Variants in HS3ST3A1 observed in about 807,000 individuals in gnomAD.
The protein encoded by HS3ST3A1 is heparan sulfate glucosamine 3-O-sulfotransferase 3A1.
Under a neutral mutation model 25.7 loss-of-function variants are expected in HS3ST3A1, and 19 were observed. That is an observed-to-expected ratio of 0.74 (90% CI 0.52 to 1.08). The LOEUF is 1.08. HS3ST3A1 is among the 50% of genes least tolerant of loss of function. HS3ST3A1 has a pLI of 0.00. For synonymous variants in HS3ST3A1, 226 were observed against 278.6 expected (o/e 0.81, Z 1.88); for missense variants, 459 against 594.3 (o/e 0.77, Z 2.37).
chr17:13,511,920 A>G (rs1383331593), intron 1 of HS3ST3A1, among the ~76,000 whole-genome samples: 1 of 152,202 alleles, frequency 6.6e-6, no homozygotes, highest in Non-Finnish European at 1.5e-5. Context: ...ACACGTGGAA[A>G]TAATTTTCAT....
At position 13,512,781 on chromosome 17, in the gene HS3ST3A1, G is replaced by A. The variant is rs112716613; in HGVS notation, c.600-15963C>T. Among the ~76,000 whole-genome samples the A allele has an allele frequency of 5.5e-3, 834 of 151,366 alleles. 6 individuals carry two copies. Among genetic ancestry groups the A allele is most frequent in the African/African-American group, 0.019 (798 of 41,454 alleles). On this transcript the variant is annotated intron_variant, in intron 1 of 1. Coordinates refer to ENST00000284110, the MANE Select transcript of HS3ST3A1 (RefSeq NM_006042.3). Reference sequence around the variant, plus strand: ...GGGATAAAAAAATAAATTGTACTGCGTAAGTATGTAGTAGTTCATGATCTG... The same window carrying A: ...GGGATAAAAAAATAAATTGTACTGCATAAGTATGTAGTAGTTCATGATCTG...
At chr17:13,565,712 C>T (rs181271370) in intron 1 of HS3ST3A1, among the ~76,000 whole-genome samples, 15 of 152,272 alleles carry the variant, frequency 9.9e-5, no homozygotes, top group Admixed American at 8.5e-4. Context: ...ACCATCTTCT[C>T]GGCTCACCCT....
Position 13,601,661 on chromosome 17 carries a change from T to G in HS3ST3A1, c.-532A>C. The stretch of plus-strand genomic sequence containing the variant: ...CCAGCCCCGGCTTTCTCTGGTCCCC[T>G]TGCCCGCCTGGGCGCGTTCTCTCCG... On this transcript the variant is annotated 5_prime_UTR_variant, in exon 1 of 2. Coordinates refer to ENST00000284110, the MANE Select transcript of HS3ST3A1 (RefSeq NM_006042.3). 1 of 153,158 alleles carries G rather than the reference T, an allele frequency of 6.5e-6. No individual in the cohort carries two copies. The highest frequency in any genetic ancestry group is 1.5e-5 in the Non-Finnish European group (1 of 68,698). The allele number at this position is 153,158 out of a possible 1,614,324, so 9.5% of individuals were successfully genotyped here. A position where few individuals can be genotyped will look rare whatever the true frequency, so the allele number is the denominator to read the frequency against.
chr17:13,531,396 G>A (rs1829194022), intron 1 of HS3ST3A1, among the ~76,000 whole-genome samples: 2 of 152,132 alleles, frequency 1.3e-5, no homozygotes, highest in Non-Finnish European at 2.9e-5. Context: ...TGGAGTTTGG[G>A]TGGGGTGCTG....
At chr17:13,536,337 G>A (rs551775765) in intron 1 of HS3ST3A1, among the ~76,000 whole-genome samples, 88 of 152,202 alleles carry the variant, frequency 5.8e-4, no homozygotes, top group African/African-American at 1.9e-3. Context: ...GAAAGTCAAG[G>A]GCTAATTTAT....
chr17:13,543,975 C>G (rs1182336552), intron 1 of HS3ST3A1, among the ~76,000 whole-genome samples: 1 of 152,136 alleles, frequency 6.6e-6, no homozygotes. Context: ...CTCTTCATCT[C>G]AGTTTCCAAA....
At chr17:13,590,071 C>T (rs1329797159) in intron 1 of HS3ST3A1, among the ~76,000 whole-genome samples, 1 of 152,138 alleles carries the variant, frequency 6.6e-6, no homozygotes, top group African/African-American at 2.4e-5. Flanking sequence ...CTACTCTGAA[C>T]ACTCGAGAGA....
intron 1 of HS3ST3A1, 101 bp from the exon 2 acceptor site, chr17:13,496,919 C>A: frequency 1.3e-6 from 2 of 1,482,104 alleles, no homozygotes; most frequent in Non-Finnish European, 1.8e-6. Context: ...TTCCAGCCCC[C>A]GCAACCCCCC....
intron 1 of HS3ST3A1, among the ~76,000 whole-genome samples, chr17:13,575,792 T>A (rs1321633300): frequency 6.6e-6 from 1 of 152,234 alleles, no homozygotes. Flanking sequence ...TTCCCATCAA[T>A]GCTGGGAAGC....
At chr17:13,546,922 A>G (rs1299363484) in intron 1 of HS3ST3A1, among the ~76,000 whole-genome samples, 3 of 152,036 alleles carry the variant, frequency 2.0e-5, no homozygotes, top group African/African-American at 7.3e-5. Context: ...AACTTTTCAG[A>G]CCTTCCGATG....
At chr17:13,531,009 C>G (rs186789102) in intron 1 of HS3ST3A1, among the ~76,000 whole-genome samples, 1 of 152,256 alleles carries the variant, frequency 6.6e-6, no homozygotes, top group East Asian at 1.9e-4. Flanking sequence ...TGAGTGTTTC[C>G]ATTTGATTGG....
chr17:13,600,579 TCGGCGCCCA>T lies in HS3ST3A1; in HGVS notation c.542_550del (p.Val181_Ala183del). On this transcript the variant is annotated inframe_deletion, in exon 1 of 2. Transcript: ENST00000284110. Reference sequence around the variant, plus strand: ...GTAGCTGCGGTCGAAGAAGTGGGGCTCGGCGCCCACGGCGCGCACGTCGGGGTGCACGCG... The same window carrying T: ...GTAGCTGCGGTCGAAGAAGTGGGGCTCGGCGCGCACGTCGGGGTGCACGCG... The T allele has an allele frequency of 1.2e-6, 2 of 1,601,892 alleles. No homozygotes were observed. Among genetic ancestry groups the T allele is most frequent in the South Asian group, 1.1e-5 (1 of 90,602 alleles).
At chr17:13,561,800 T>G (rs1356288661) in intron 1 of HS3ST3A1, among the ~76,000 whole-genome samples, 1 of 152,092 alleles carries the variant, frequency 6.6e-6, no homozygotes, top group Non-Finnish European at 1.5e-5. Flanking sequence ...CTGCAGGCAC[T>G]TCACTCACAC....
intron 1 of HS3ST3A1, among the ~76,000 whole-genome samples, chr17:13,537,886 TC>T (rs2142340190): frequency 6.6e-6 from 1 of 152,364 alleles, no homozygotes; most frequent in Admixed American, 6.5e-5. Context: ...AATCTTTATT[TC>T]ATCAGCCTCC....
Position 13,600,556 on chromosome 17 carries a change from A to T in HS3ST3A1, c.574T>A (p.Tyr192Asn), listed in dbSNP as rs1179666225. The T allele has an allele frequency of 6.2e-7, 1 of 1,601,460 alleles. No homozygotes were observed. The highest frequency in any genetic ancestry group is 1.1e-5 in the South Asian group (1 of 90,526). Residue 192 changes from tyrosine to asparagine, a missense_variant, in exon 1 of 2, where the codon TAC (tyrosine) becomes AAC (asparagine). This residue lies in a region of HS3ST3A1 where 346 missense variants were observed against 303.9 expected (regional missense o/e 1.14). Coordinates refer to ENST00000284110, the MANE Select transcript of HS3ST3A1 (RefSeq NM_006042.3). ...GAEPHFFDRSYDKGLAWYRDL... is the reference protein window; with the variant it reads ...GAEPHFFDRSNDKGLAWYRDL... ...CGGTACCAGGCGAGGCCCTTGTCGT[A>T]GCTGCGGTCGAAGAAGTGGGGCTCG...
chr17:13,509,646 A>T (rs2142304727), intron 1 of HS3ST3A1, among the ~76,000 whole-genome samples: 1 of 152,212 alleles, frequency 6.6e-6, no homozygotes, highest in Non-Finnish European at 1.5e-5. Flanking sequence ...GCAAGAAGAT[A>T]GAAGAAAAAA....
chr17:13,510,491 GTTGT>G (rs1228988954), intron 1 of HS3ST3A1, among the ~76,000 whole-genome samples: 11 of 152,124 alleles, frequency 7.2e-5, no homozygotes, highest in South Asian at 2.1e-4. Flanking sequence ...TTTGTTGTTG[GTTGT>G]TTGTTCATTC....
At chr17:13,496,915 C>A (rs1275959491) in intron 1 of HS3ST3A1, 97 bp from the exon 2 acceptor site, 21 of 1,480,292 alleles carry the variant, frequency 1.4e-5, no homozygotes, top group East Asian at 2.3e-5. Context: ...GCAATTCCAG[C>A]CCCCGCAACC....
In HS3ST3A1 at chr17:13,600,934, G is replaced by T; in HGVS notation, c.196C>A (p.Pro66Thr). 1.3e-6 allele frequency: 2 copies of T among 1,531,684 alleles called. No homozygotes were observed. Among genetic ancestry groups the T allele is most frequent in the South Asian group, 1.2e-5 (1 of 82,528 alleles). The allele number at this position is 1,531,684 out of a possible 1,614,324, so 94.9% of individuals were successfully genotyped here. A position where few individuals can be genotyped will look rare whatever the true frequency, so the allele number is the denominator to read the frequency against. The change falls in exon 1 of 2, where the codon CCT becomes ACT. Residue 66 changes from proline to threonine, a missense_variant. Coordinates refer to ENST00000284110, the MANE Select transcript of HS3ST3A1 (RefSeq NM_006042.3). ...LSGGGEEAGA[P>T]GGGVLAGGPR... is the part of the protein sequence containing the mutation. Reference sequence around the variant, plus strand: ...CCTCCGGCCAGGACGCCGCCACCAGGGGCCCCCGCCTCCTCGCCGCCGCCG... The same window carrying T: ...CCTCCGGCCAGGACGCCGCCACCAGTGGCCCCCGCCTCCTCGCCGCCGCCG...
Sources: gnomAD v4.1 joint callset for allele counts (sites outside exome capture counted in the v4.1 genomes callset) on GRCh38, gnomAD v4.1.1 for gene constraint, gnomAD v4.1.1 regional missense constraint, MANE v1.5 for transcripts, NCBI Gene and HGNC (gene_info 2026-07-23, HGNC 2026-07-21) for gene names.